The following SEC31A variants were observed in gnomAD, a reference collection of about 807,000 sequenced individuals.
The protein encoded by SEC31A is SEC31 homolog A, COPII component, also known as protein transport protein Sec31A.
Under a neutral mutation model 151.0 loss-of-function variants are expected in SEC31A, and 70 were observed. That is an observed-to-expected ratio of 0.46 (90% CI 0.38 to 0.57). SEC31A has a LOEUF of 0.57. SEC31A is among the 20% of genes least tolerant of loss of function. The pLI is 0.00. For missense variants in SEC31A, 1,330 were observed against 1,471.2 expected, an observed-to-expected ratio of 0.90 and a Z score of 1.57; for synonymous variants, 475 against 505.9, an observed-to-expected ratio of 0.94 and a Z score of 0.82.
chr4:82,841,738 G>A (rs528983067), intron 22 of SEC31A, among the ~76,000 whole-genome samples: 40 of 151,694 alleles, frequency 2.6e-4, no homozygotes, highest in African/African-American at 8.2e-4. Context: ...TTGGGAGGCC[G>A]AAGCGGGTGG....
At chr4:82,890,874 G>A in intron 1 of SEC31A, 25 of 1,382,732 alleles carry the variant, frequency 1.8e-5, no homozygotes, top group Non-Finnish European at 2.3e-5. Flanking sequence ...TGGAGACGTC[G>A]GCGAATGCGG....
At chr4:82,824,770 T>C (rs76228497) in intron 24 of SEC31A, 96 bp from the exon 25 acceptor site, 23,982 of 1,357,582 alleles carry the variant, frequency 0.018, 300 homozygotes, top group Non-Finnish European at 0.019. Flanking sequence ...CCGACAACCT[T>C]GTACATAGAC....
In SEC31A at chr4:82,847,536, G is replaced by C. The variant is rs78754127; in HGVS notation, c.2502+1268C>G. Among the ~76,000 whole-genome samples, 1,157 of 152,274 alleles carry C rather than the reference G, an allele frequency of 7.6e-3. 18 individuals carry two copies. The highest frequency in any genetic ancestry group is 0.026 in the African/African-American group (1,099 of 41,546). On this transcript the variant is annotated intron_variant, in intron 20 of 26. Transcript: ENST00000395310. Reference sequence around the variant, plus strand: ...TAGAGCTTGCCTTGCTTCAGTACCTGACAGGTAGCTTGGTTTAACAAGACG... The same window carrying C: ...TAGAGCTTGCCTTGCTTCAGTACCTCACAGGTAGCTTGGTTTAACAAGACG...
At chr4:82,881,754 G>A (rs1034813380) in intron 2 of SEC31A, 104 bp downstream of exon 2, 18 of 841,092 alleles carry the variant, frequency 2.1e-5, no homozygotes, top group Non-Finnish European at 3.2e-5. Flanking sequence ...AACTTGCCAG[G>A]GAGAGAGAGG....
chr4:82,836,803 TTAGA>T (rs1238720678), intron 22 of SEC31A, among the ~76,000 whole-genome samples: 2 of 152,036 alleles, frequency 1.3e-5, no homozygotes, highest in African/African-American at 2.4e-5. Flanking sequence ...AAAAATATAG[TTAGA>T]TAGAACTGAA....
chr4:82,840,071 G>A (rs1481166955), intron 22 of SEC31A, among the ~76,000 whole-genome samples: 1 of 152,072 alleles, frequency 6.6e-6, no homozygotes, highest in East Asian at 1.9e-4. Flanking sequence ...ATAGGGACCT[G>A]GTTTATATCT....
At chr4:82,830,459 C>CA (rs1725683066) in intron 22 of SEC31A, among the ~76,000 whole-genome samples, 1 of 151,590 alleles carries the variant, frequency 6.6e-6, no homozygotes, top group Non-Finnish European at 1.5e-5. Context: ...GACTCCGTCT[C>CA]AAAAAAGTAA....
chr4:82,834,658 ACTC>A (rs998645592), intron 22 of SEC31A, among the ~76,000 whole-genome samples: 1 of 152,034 alleles, frequency 6.6e-6, no homozygotes, highest in Non-Finnish European at 1.5e-5. Flanking sequence ...CATATGCCTA[ACTC>A]CTCCTAACCT....
chr4:82,841,476 A>ATATAT (rs1728817827), intron 22 of SEC31A, among the ~76,000 whole-genome samples: 23 of 127,200 alleles, frequency 1.8e-4, no homozygotes, highest in Non-Finnish European at 3.1e-4. Flanking sequence ...ATACACACAC[A>ATATAT]CTAAAAATAC....
rs181233992 is a variant in SEC31A, at chr4:82,844,535, G to A, written c.2503-26C>T. On this transcript the variant is annotated intron_variant, in intron 20 of 26. Coordinates refer to ENST00000395310, the MANE Select transcript of SEC31A (RefSeq NM_001077207.4). ...CTAAGAAACAAGAACATGGTAAGAA[G>A]GCGGATACAAGTAGAACCAGGAACT... is the stretch of plus-strand genomic sequence containing the variant. 4.3e-6 allele frequency: 7 copies of A among 1,609,512 alleles called. No homozygotes were observed. The East Asian group carries it at 6.7e-5, about 15-fold the overall frequency.
intron 16 of SEC31A, 65 bp from the exon 17 acceptor site, chr4:82,855,094 C>T (rs1732337643): frequency 1.5e-6 from 2 of 1,341,248 alleles, no homozygotes; most frequent in Non-Finnish European, 2.0e-6. Context: ...TTAATTCTGA[C>T]TAATTAATTG....
At chr4:82,890,663 G>C in intron 1 of SEC31A, 2 of 806,628 alleles carry the variant, frequency 2.5e-6, no homozygotes, top group Non-Finnish European at 3.0e-6. Flanking sequence ...TTTAAATCTG[G>C]CAATAGTTCA....
chr4:82,870,731 AAG>A (rs1257302788), intron 7 of SEC31A, among the ~76,000 whole-genome samples: 1 of 152,142 alleles, frequency 6.6e-6, no homozygotes, highest in Non-Finnish European at 1.5e-5. Flanking sequence ...AAAACAAAAA[AAG>A]AAATAAAAAT....
chr4:82,890,264 T>C (rs1465078229), intron 1 of SEC31A, among the ~76,000 whole-genome samples: 1 of 136,386 alleles, frequency 7.3e-6, no homozygotes, highest in Non-Finnish European at 1.6e-5. Flanking sequence ...TAAACGGAGG[T>C]ACAGAAAACG....
At chr4:82,874,134 C>A (rs996390072) in intron 6 of SEC31A, among the ~76,000 whole-genome samples, 1 of 152,016 alleles carries the variant, frequency 6.6e-6, no homozygotes, top group Admixed American at 6.6e-5. Flanking sequence ...CCCATCTCTA[C>A]CAAAAATACA....
chr4:82,853,824 A>G (rs562563232), intron 17 of SEC31A, 109 bp from the exon 18 acceptor site: 5 of 777,960 alleles, frequency 6.4e-6, no homozygotes, highest in Non-Finnish European at 1.0e-5. Context: ...TTCATAACCA[A>G]TGAATAGCAT....
chr4:82,861,541 A>G (rs1734117152), intron 14 of SEC31A, 90 bp downstream of exon 14: 3 of 749,134 alleles, frequency 4.0e-6, no homozygotes, highest in Non-Finnish European at 6.8e-6. Flanking sequence ...TTATTTTGCC[A>G]TAAGTAGTCA....
Position 82,872,024 on chromosome 4 carries a change from C to G in SEC31A, c.702G>C (p.Glu234Asp), listed in dbSNP as rs1438306731. The G allele has an allele frequency of 6.2e-7, 1 of 1,614,006 alleles. No homozygotes were observed. Among genetic ancestry groups the G allele is most frequent in the Non-Finnish European group, 8.5e-7 (1 of 1,180,030 alleles). ...TCTGGATCACTGGTAACCGGTCATCCTCGGAGGCAAGGACCATCTGAGTAG... is the reference window on the plus strand; with the variant it reads ...TCTGGATCACTGGTAACCGGTCATCGTCGGAGGCAAGGACCATCTGAGTAG... Reference protein sequence around the residue: ...DVATQMVLASEDDRLPVIQMW... With the variant: ...DVATQMVLASDDDRLPVIQMW... The change falls in exon 7 of 27, where the codon GAG becomes GAC. Residue 234 changes from glutamate (E) to aspartate (D), a missense_variant. Physicochemically the swap from Glu to Asp is conservative, Grantham distance 45 (BLOSUM62 2). Transcript: ENST00000395310.
intron 8 of SEC31A, 123 bp downstream of exon 8, chr4:82,870,202 C>T (rs1736332089): frequency 3.1e-6 from 2 of 650,744 alleles, no homozygotes; most frequent in Non-Finnish European, 5.3e-6. Context: ...AAACACTGCA[C>T]ACACACGTCC....
Sources: gnomAD v4.1 joint callset for allele counts (sites outside exome capture counted in the v4.1 genomes callset) on GRCh38, gnomAD v4.1.1 for gene constraint, MANE v1.5 for transcripts, NCBI Gene and HGNC (gene_info 2026-07-23, HGNC 2026-07-21) for gene names.